RILPL1: variants seen among roughly 807,000 people sequenced by gnomAD.
RILPL1 encodes RILP-like protein 1.
Under a neutral mutation model 50.3 loss-of-function variants are expected in RILPL1, and 33 were observed. The ratio of observed to expected loss-of-function variants is 0.66; its 90% CI spans 0.50 to 0.88. RILPL1 has a LOEUF of 0.88. Ranked by LOEUF, RILPL1 falls within the 40% of genes least tolerant of loss-of-function variation. RILPL1 has a pLI of 0.00. For synonymous variants in RILPL1, 205 were observed against 228.6 expected, an observed-to-expected ratio of 0.90 and a Z score of 0.93; for missense variants, 418 against 542.5, an observed-to-expected ratio of 0.77 and a Z score of 2.28.
intron 6 of RILPL1, 74 bp downstream of exon 6, chr12:123,484,106 C>T (rs1882168048): frequency 6.3e-6 from 6 of 951,100 alleles, no homozygotes; most frequent in Non-Finnish European, 9.8e-6. Flanking sequence ...GGAGCAGGTG[C>T]CAAGGAGGAA....
intron 2 of RILPL1, among the ~76,000 whole-genome samples, chr12:123,505,481 C>G (rs548951024): frequency 1.3e-5 from 2 of 152,158 alleles, no homozygotes; most frequent in Admixed American, 1.3e-4. Flanking sequence ...CACCACCACA[C>G]TTGGCTAATT....
chr12:123,505,473 C>T (rs1035090222), intron 2 of RILPL1, among the ~76,000 whole-genome samples: 3 of 152,160 alleles, frequency 2.0e-5, no homozygotes, highest in East Asian at 1.9e-4. Context: ...ACTGCGTGCA[C>T]CACCACACTT....
At chr12:123,496,907 G>A (rs912634080) in intron 4 of RILPL1, among the ~76,000 whole-genome samples, 3 of 152,134 alleles carry the variant, frequency 2.0e-5, no homozygotes, top group Non-Finnish European at 4.4e-5. Context: ...CATTTCCATC[G>A]TCCCCAAAGG....
rs1463680314 is a variant in RILPL1 at position 123,533,437 on chromosome 12, C to G, written c.46G>C (p.Glu16Gln). Residue 16 changes from glutamate to glutamine, a missense_variant, in exon 1 of 7, where the codon GAG becomes CAG. Transcript: ENST00000376874. The surrounding 1 kb of genome is among the most constrained non-coding windows in gnomAD (Gnocchi z 6.2). ...GSALAAESAL[E>Q]KNVAELTVMD... Reference sequence around the variant, plus strand: ...ACGGTCAGCTCGGCCACGTTCTTCTCCAGCGCCGACTCGGCCGCCAGCGCC... The same window carrying G: ...ACGGTCAGCTCGGCCACGTTCTTCTGCAGCGCCGACTCGGCCGCCAGCGCC... 2 of 1,536,122 alleles carry G rather than the reference C, an allele frequency of 1.3e-6. No individual in the cohort carries two copies. Among genetic ancestry groups the G allele is most frequent in the East Asian group, 5.0e-5 (2 of 40,352 alleles).
chr12:123,483,318 C>A (rs1296810141), intron 6 of RILPL1, among the ~76,000 whole-genome samples: 1 of 152,202 alleles, frequency 6.6e-6, no homozygotes. Flanking sequence ...CTCTTATTAG[C>A]TGAATGACCC....
At chr12:123,502,543 C>T (rs1182989740) in intron 2 of RILPL1, among the ~76,000 whole-genome samples, 2 of 152,264 alleles carry the variant, frequency 1.3e-5, no homozygotes, top group African/African-American at 2.4e-5. Context: ...GCCTGGCACA[C>T]CGCAGGCGGG....
chr12:123,470,765 T>C lies in RILPL1; in HGVS notation c.*1773A>G, dbSNP rs1280472064. On this transcript the variant is annotated 3_prime_UTR_variant, in exon 7 of 7. Transcript: ENST00000376874. ...TGCCACTATACTTTGGCTTGGGCAA[T>C]AGAGCAAGACTATCTCAAAAAAAAG... The C allele has an allele frequency of 1.3e-5, 2 of 152,042 alleles. No homozygotes were observed. Among genetic ancestry groups the C allele is most frequent in the Non-Finnish European group, 2.9e-5 (2 of 68,026 alleles). The allele number at this position is 152,042 out of a possible 1,614,324, so 9.4% of individuals were successfully genotyped here.
At position 123,498,893 on chromosome 12, in the gene RILPL1, G is replaced by A. The variant is rs1321795746; in HGVS notation, c.580-128C>T. ...AGACATCTTTGTTTGAAAGTTGTTC[G>A]TATTCTTATAGCTGATGATGCTAGA... On this transcript the variant is annotated intron_variant, in intron 3 of 6. Transcript: ENST00000376874. The surrounding 1 kb of genome is among the most constrained non-coding windows in gnomAD (Gnocchi z 4.3). 1.3e-5 allele frequency: 11 copies of A among 837,498 alleles called. No homozygotes were observed. Among genetic ancestry groups the A allele is most frequent in the East Asian group, 7.6e-5 (3 of 39,650 alleles). The allele number at this position is 837,498 out of a possible 1,614,324, so 51.9% of individuals were successfully genotyped here.
intron 1 of RILPL1, among the ~76,000 whole-genome samples, chr12:123,531,333 G>C (rs749667050): frequency 6.6e-4 from 101 of 152,270 alleles, no homozygotes; most frequent in Admixed American, 4.6e-4. Context: ...TGTGACTTCA[G>C]ACCTGGTGGC....
intron 4 of RILPL1, among the ~76,000 whole-genome samples, chr12:123,490,340 A>G (rs1018586016): frequency 6.6e-6 from 1 of 152,134 alleles, no homozygotes; most frequent in South Asian, 2.1e-4. Context: ...AGCCCTTGAT[A>G]ACCCAGAAAT....
intron 2 of RILPL1, among the ~76,000 whole-genome samples, chr12:123,508,262 C>G (rs1883877777): frequency 6.6e-6 from 1 of 152,054 alleles, no homozygotes; most frequent in African/African-American, 2.4e-5. Flanking sequence ...GGCGTGGTGG[C>G]CCACGCCTAT....
intron 6 of RILPL1, chr12:123,475,042 G>A (rs996906089): frequency 2.0e-5 from 3 of 152,628 alleles, no homozygotes; most frequent in African/African-American, 7.2e-5. Flanking sequence ...GGTGAATGAA[G>A]GCACAATTCT....
chr12:123,479,780 G>T (rs533256768), intron 6 of RILPL1, among the ~76,000 whole-genome samples: 2 of 152,142 alleles, frequency 1.3e-5, no homozygotes, highest in Admixed American at 1.3e-4. Context: ...GTCCCTGCCC[G>T]GCTCAGAGCC....
At position 123,498,657 on chromosome 12, in the gene RILPL1, C is replaced by A; in HGVS notation, c.688G>T (p.Glu230Ter). The A allele has an allele frequency of 1.9e-6, 3 of 1,613,788 alleles. No homozygotes were observed. Among genetic ancestry groups the A allele is most frequent in the Non-Finnish European group, 2.5e-6 (3 of 1,179,892 alleles). ...KALIEQKVEL[E>*]ADLQTKEQEM... ...TGCTCCTTGGTCTGCAGGTCTGCCT[C>A]CAGCTCCACCTTCTGTTCGATCAGG... The change falls in exon 4 of 7, where the codon GAG (glutamate) becomes TAG (stop). Residue 230 changes from glutamate to a stop codon, truncating the protein, a stop_gained. Transcript: ENST00000376874. LOFTEE classifies it high-confidence loss of function. The surrounding 1 kb of genome is among the most constrained non-coding windows in gnomAD (Gnocchi z 4.3).
At chr12:123,525,721 A>AAAAG (rs1885228444) in intron 1 of RILPL1, among the ~76,000 whole-genome samples, 2 of 150,556 alleles carry the variant, frequency 1.3e-5, no homozygotes, top group African/African-American at 4.9e-5. Context: ...AAAAAAAAAA[A>AAAAG]AAAGAAACAA....
intron 4 of RILPL1, among the ~76,000 whole-genome samples, chr12:123,496,728 T>C (rs1407403544): frequency 6.6e-6 from 1 of 152,218 alleles, no homozygotes; most frequent in East Asian, 1.9e-4. Context: ...TCACCCTCTG[T>C]GTTCCTGGCA....
At chr12:123,524,159 C>T (rs1885168376) in intron 1 of RILPL1, among the ~76,000 whole-genome samples, 1 of 152,244 alleles carries the variant, frequency 6.6e-6, no homozygotes, top group Admixed American at 6.5e-5. Context: ...GACTCGATCA[C>T]CCTGAGCCTC....
chr12:123,490,409 A>G (rs1028689034), intron 4 of RILPL1, among the ~76,000 whole-genome samples: 34 of 151,974 alleles, frequency 2.2e-4, no homozygotes, highest in African/African-American at 8.2e-4. Context: ...CACACTTTCA[A>G]AGCCACAGGA....
chr12:123,507,785 T>C (rs1448759173), intron 2 of RILPL1, among the ~76,000 whole-genome samples: 2 of 150,906 alleles, frequency 1.3e-5, no homozygotes, highest in Admixed American at 1.3e-4. Context: ...CTACTAAAAA[T>C]ACAAAATTAG....
Sources: gnomAD v4.1 joint callset for allele counts (sites outside exome capture counted in the v4.1 genomes callset) on GRCh38, gnomAD v4.1.1 for gene constraint, Gnocchi (gnomAD v3.1) non-coding constraint, MANE v1.5 for transcripts, NCBI Gene and HGNC (gene_info 2026-07-23, HGNC 2026-07-21) for gene names.